Variants in CASZ1 observed in about 807,000 individuals in gnomAD.
The protein encoded by CASZ1 is zinc finger protein castor homolog 1.
A neutral mutation model predicts 135.2 loss-of-function variants in CASZ1; 28 were observed. The ratio of observed to expected loss-of-function variants is 0.21; its 90% confidence interval spans 0.15 to 0.28. The LOEUF is 0.28. CASZ1 is among the 10% of genes least tolerant of loss of function. CASZ1 has a pLI of 1.00. For missense variants in CASZ1, 2,161 were observed against 2,453.3 expected (o/e 0.88, Z 2.52); for synonymous variants, 1,068 against 1,073.4 (o/e 0.99, Z 0.10).
chr1:10,740,046 C>G (rs559905114), intron 2 of CASZ1, among the ~76,000 whole-genome samples: 1 of 152,206 alleles, frequency 6.6e-6, no homozygotes, highest in African/African-American at 2.4e-5. Context: ...ATTACCACCA[C>G]CCCATAGGAA....
rs1160568102 is a variant in CASZ1 at position 10,639,317 on chromosome 1, C to G, written c.4905G>C (p.Ala1635=). 2 of 1,441,530 alleles carry G rather than the reference C, an allele frequency of 1.4e-6. No individual in the cohort carries two copies. The highest frequency in any genetic ancestry group is 1.8e-6 in the Non-Finnish European group (2 of 1,106,754). The allele number at this position is 1,441,530 out of a possible 1,614,324, so 89.3% of individuals were successfully genotyped here. ...EPGSLLFLQS[A]AAGLGLALGD... is the part of the protein sequence containing the mutation. Reference sequence around the variant, plus strand: ...CCAGCGCCAGGCCCAGGCCGGCGGCCGCCGACTGCAGGAAGAGCAGCGAGC... The same window carrying G: ...CCAGCGCCAGGCCCAGGCCGGCGGCGGCCGACTGCAGGAAGAGCAGCGAGC... The change falls in exon 21 of 21, where the codon GCG becomes GCC. Residue 1635 remains alanine (A), a synonymous_variant. Coordinates refer to ENST00000377022, the MANE Select transcript of CASZ1 (RefSeq NM_001079843.3). The surrounding 1 kb of genome is among the most constrained non-coding windows in gnomAD (Gnocchi z 4.0).
chr1:10,683,767 C>T (rs935137423), intron 4 of CASZ1, among the ~76,000 whole-genome samples: 7 of 152,174 alleles, frequency 4.6e-5, no homozygotes, highest in African/African-American at 1.7e-4. Flanking sequence ...CTCCGGGATG[C>T]CTCTAGAAAA....
chr1:10,771,352 G>A (rs1257908707), intron 1 of CASZ1, among the ~76,000 whole-genome samples: 1 of 151,992 alleles, frequency 6.6e-6, no homozygotes, highest in East Asian at 1.9e-4. Context: ...TTGGTTCCCC[G>A]CTGTCTGCAG....
rs376108474 is a variant in CASZ1, at chr1:10,665,324, G to A, written c.264C>T (p.Ile88=). ...TGTACTCCCCGTTCACCCACTTCTC[G>A]ATCACTGCCCGTCTCTTGTCTTCCT... ...RSEEDKRRAV[I]EKWVNGEYSE... The change falls in exon 5 of 21, where the codon ATC becomes ATT. Residue 88 remains isoleucine (I), a synonymous_variant. Transcript: ENST00000377022. The A allele has an allele frequency of 2.0e-5, 33 of 1,612,544 alleles. No individual in the cohort carries two copies. The highest frequency in any genetic ancestry group is 6.6e-5 in the South Asian group (6 of 90,946).
intron 4 of CASZ1, among the ~76,000 whole-genome samples, chr1:10,692,605 C>T (rs1638803689): frequency 6.6e-6 from 1 of 152,190 alleles, no homozygotes; most frequent in Admixed American, 6.5e-5. Flanking sequence ...CCCTCCACGT[C>T]AGACCAGCCA....
At chr1:10,771,810 G>T (rs375927529) in intron 1 of CASZ1, among the ~76,000 whole-genome samples, 2 of 152,106 alleles carry the variant, frequency 1.3e-5, no homozygotes, top group East Asian at 3.9e-4. Context: ...ATAAAATTGG[G>T]GATGCTGGCA....
chr1:10,752,769 C>T (rs1187363965), intron 2 of CASZ1, among the ~76,000 whole-genome samples: 1 of 152,266 alleles, frequency 6.6e-6, no homozygotes, highest in South Asian at 2.1e-4. Flanking sequence ...GGTGCCGTGG[C>T]TCACGCCTGT....
At chr1:10,655,353 G>A (rs1420852778) in intron 9 of CASZ1, among the ~76,000 whole-genome samples, 1 of 152,244 alleles carries the variant, frequency 6.6e-6, no homozygotes, top group Non-Finnish European at 1.5e-5. Flanking sequence ...TGCTGCTCTT[G>A]GTGTTAAAGC....
At chr1:10,770,621 C>G (rs1417571111) in intron 1 of CASZ1, among the ~76,000 whole-genome samples, 1 of 152,096 alleles carries the variant, frequency 6.6e-6, no homozygotes, top group Non-Finnish European at 1.5e-5. Context: ...GCTCCCACTG[C>G]CCAGATGCCC....
intron 3 of CASZ1, among the ~76,000 whole-genome samples, chr1:10,704,868 G>A (rs906029286): frequency 6.6e-6 from 1 of 152,250 alleles, no homozygotes; most frequent in East Asian, 1.9e-4. Flanking sequence ...GACACAGCCC[G>A]TGAAGGCTGG....
intron 7 of CASZ1, 54 bp from the exon 8 acceptor site, chr1:10,656,790 C>T (rs1642813983): frequency 2.8e-6 from 3 of 1,072,978 alleles, no homozygotes; most frequent in Admixed American, 2.0e-5. Flanking sequence ...AGTCCCAGCC[C>T]CAGCCCCAGC....
rs199556835 is a variant in CASZ1, at chr1:10,654,447, C to T, written c.1810G>A (p.Gly604Arg). 8.1e-6 allele frequency: 13 copies of T among 1,614,148 alleles called. No homozygotes were observed. Among genetic ancestry groups the T allele is most frequent in the East Asian group, 4.5e-5 (2 of 44,876 alleles). ...DCGTADCQFY[G>R]QKTTHFHCRR... Reference sequence around the variant, plus strand: ...CAGTGGAAGTGCGTGGTCTTCTGTCCGTAGAACTGGCAGTCGGCTGTGCCA... The same window carrying T: ...CAGTGGAAGTGCGTGGTCTTCTGTCTGTAGAACTGGCAGTCGGCTGTGCCA... Residue 604 changes from glycine to arginine, a missense_variant, in exon 10 of 21, where the codon GGA becomes AGA. Gly to Arg is a moderately radical substitution (Grantham distance 125, BLOSUM62 -2). Transcript: ENST00000377022.
Position 10,692,682 on chromosome 1 carries a change from C to T in CASZ1, c.16+1192G>A, listed in dbSNP as rs570418694. On this transcript the variant is annotated intron_variant, in intron 4 of 20. Coordinates refer to ENST00000377022, the MANE Select transcript of CASZ1 (RefSeq NM_001079843.3). ...GACACCTCCCCCCAACAAACACAGGCCCTTCTTCACCGGCCACCGTGCCAC... is the reference window on the plus strand; with the variant it reads ...GACACCTCCCCCCAACAAACACAGGTCCTTCTTCACCGGCCACCGTGCCAC... Among the ~76,000 whole-genome samples, 574 of 152,352 alleles carry T rather than the reference C, an allele frequency of 3.8e-3. 2 individuals carry two copies. The highest frequency in any genetic ancestry group is 5.5e-3 in the Non-Finnish European group (373 of 68,024).
In CASZ1 at chr1:10,658,452, G is replaced by A. The variant is rs1490877063; in HGVS notation, c.1409+56C>T. 16 of 1,449,348 alleles carry A rather than the reference G, an allele frequency of 1.1e-5. No homozygotes were observed. The East Asian group carries it at 1.8e-4, about 16-fold the overall frequency. 89.8% of individuals were successfully genotyped at this position (1,449,348 alleles called of 1,614,324 possible). A position where few individuals can be genotyped will look rare whatever the true frequency, so the allele number is the denominator to read the frequency against. On this transcript the variant is annotated intron_variant, in intron 7 of 20. Transcript: ENST00000377022. ...TCAAACGAATGGCCTCAGAGTGCCCGGTCAGTCCTGGCCCCCCACCTTCTC... is the reference window on the plus strand; with the variant it reads ...TCAAACGAATGGCCTCAGAGTGCCCAGTCAGTCCTGGCCCCCCACCTTCTC...
intron 1 of CASZ1, among the ~76,000 whole-genome samples, chr1:10,770,550 C>T (rs1004062242): frequency 6.6e-6 from 1 of 152,142 alleles, no homozygotes. Flanking sequence ...CAACTGGGCC[C>T]CTAGCTGCGG....
At chr1:10,729,683 C>T (rs986037203) in intron 2 of CASZ1, among the ~76,000 whole-genome samples, 5 of 152,252 alleles carry the variant, frequency 3.3e-5, no homozygotes, top group African/African-American at 9.6e-5. Flanking sequence ...GGGGACATTA[C>T]GCTGACAGCG....
Position 10,788,704 on chromosome 1 carries a change from C to G in CASZ1, c.-234+7860G>C, listed in dbSNP as rs1325350552. On this transcript the variant is annotated intron_variant, in intron 1 of 20. Transcript: ENST00000377022. This position sits in a 1 kb window ranked among gnomAD's most constrained non-coding sequence, Gnocchi z 4.1. Reference sequence around the variant, plus strand: ...AGCAAGTGTCCCTGACCGCTGCCTCCTCACCCGGGAGCTGCCCCGGCCTCA... The same window carrying G: ...AGCAAGTGTCCCTGACCGCTGCCTCGTCACCCGGGAGCTGCCCCGGCCTCA... Among the ~76,000 whole-genome samples, 5 of 152,218 alleles carry G rather than the reference C, an allele frequency of 3.3e-5. No homozygotes were observed. Among genetic ancestry groups the G allele is most frequent in the African/African-American group, 1.2e-4 (5 of 41,466 alleles).
At position 10,726,055 on chromosome 1, in the gene CASZ1, C is replaced by G. The variant is rs1639591699; in HGVS notation, c.-76-20511G>C. On this transcript the variant is annotated intron_variant, in intron 2 of 20. Transcript: ENST00000377022. This position sits in a 1 kb window ranked among gnomAD's most constrained non-coding sequence, Gnocchi z 5.7. ...CTATCTGTCAGGGGCTGTACCATCT[C>G]ATTGATGCCTCCAACCACCTATGGG... Among the ~76,000 whole-genome samples the G allele has an allele frequency of 6.6e-6, 1 of 152,146 alleles. No individual in the cohort carries two copies. The highest frequency in any genetic ancestry group is 2.4e-5 in the African/African-American group (1 of 41,432).
rs547251371 is a variant in CASZ1, at chr1:10,746,659, C to A, written c.-77+14042G>T. 3.3e-5 allele frequency among the ~76,000 whole-genome samples: 5 copies of A among 152,352 alleles called. No individual in the cohort carries two copies. In the East Asian group the frequency reaches 7.7e-4, roughly 24 times the overall value. On this transcript the variant is annotated intron_variant, in intron 2 of 20. Coordinates refer to ENST00000377022, the MANE Select transcript of CASZ1 (RefSeq NM_001079843.3). ...ACCCCAACCAAGGGCCAGCCTGGACCCGGGACCTTCTCCTAGAGCCGTCCT... is the reference window on the plus strand; with the variant it reads ...ACCCCAACCAAGGGCCAGCCTGGACACGGGACCTTCTCCTAGAGCCGTCCT...
Sources: gnomAD v4.1 joint callset for allele counts (sites outside exome capture counted in the v4.1 genomes callset) on GRCh38, gnomAD v4.1.1 for gene constraint, Gnocchi (gnomAD v3.1) non-coding constraint, MANE v1.5 for transcripts, NCBI Gene and HGNC (gene_info 2026-07-23, HGNC 2026-07-21) for gene names.